Variants in RGS7 observed in about 807,000 individuals in gnomAD.
The protein encoded by RGS7 is regulator of G-protein signaling 7.
RGS7 carries 27 observed loss-of-function variants against 81.1 expected under a neutral mutation model. The ratio of observed to expected loss-of-function variants is 0.33; its 90% CI spans 0.25 to 0.46. RGS7 has a LOEUF of 0.46. RGS7 is among the 20% of genes least tolerant of loss of function. The probability of loss-of-function intolerance (pLI) is 1.00; values close to 1 mark genes in which losing one functional copy is unlikely to be tolerated. For synonymous variants in RGS7, 208 were observed against 207.7 expected (o/e 1.00, Z -0.01); for missense variants, 396 against 607.4 (o/e 0.65, Z 3.66).
At chr1:240,870,266 TA>T in intron 6 of RGS7, 147 bp from the exon 7 acceptor site, 2 of 716,668 alleles carry the variant, frequency 2.8e-6, no homozygotes, top group Non-Finnish European at 5.0e-6. Flanking sequence ...AATTATGTAA[TA>T]ACATTATTAC....
At chr1:241,236,213 G>A (rs4290050) in intron 2 of RGS7, among the ~76,000 whole-genome samples, 86,270 of 148,930 alleles carry the variant, frequency 0.58, 25,264 homozygotes, top group Middle Eastern at 0.6. Flanking sequence ...CATGAATACC[G>A]TAAAGGAAGA....
intron 10 of RGS7, among the ~76,000 whole-genome samples, chr1:240,826,040 T>C (rs1692749506): frequency 1.3e-5 from 2 of 152,152 alleles, no homozygotes; most frequent in East Asian, 3.9e-4. Context: ...TCTGCAAAAA[T>C]AGTTCTTGGT....
chr1:241,156,148 A>AGAT (rs990243657), intron 2 of RGS7, among the ~76,000 whole-genome samples: 1 of 150,904 alleles, frequency 6.6e-6, no homozygotes, highest in African/African-American at 2.5e-5. Flanking sequence ...ATAGATAGAT[A>AGAT]GATAGATAGA....
At chr1:241,293,834 G>A (rs867332114) in intron 2 of RGS7, among the ~76,000 whole-genome samples, 4 of 152,186 alleles carry the variant, frequency 2.6e-5, no homozygotes, top group South Asian at 4.1e-4. Flanking sequence ...CACGTTTACA[G>A]TGTTGGTGGG....
Position 240,793,611 on chromosome 1 carries a change from A to ATATATATATATTTTTTTTT in RGS7, c.*6+7029_*6+7030insAAAAAAAAATATATATATA. Among the ~76,000 whole-genome samples the ATATATATATATTTTTTTTT allele has an allele frequency of 5.1e-5, 4 of 78,872 alleles. 1 individual carries two copies. The highest frequency in any genetic ancestry group is 3.9e-4 in the African/African-American group (4 of 10,312). 51.7% of individuals were successfully genotyped at this position (78,872 alleles called of 152,430 possible). ...AATATATATATATATATATATATAT[A>ATATATATATATTTTTTTTT]TTTTTTTTTTTTTTTTGAGACAGAG... On this transcript the variant is annotated intron_variant, in intron 18 of 18. Coordinates refer to ENST00000440928, the MANE Select transcript of RGS7 (RefSeq NM_001364886.1).
intron 2 of RGS7, among the ~76,000 whole-genome samples, chr1:241,114,465 T>C (rs1057270812): frequency 2.0e-5 from 3 of 152,140 alleles, no homozygotes; most frequent in Non-Finnish European, 4.4e-5. Context: ...TTCTTTGTTT[T>C]CATTTTGGTG....
chr1:240,810,818 A>G (rs1192105570), intron 14 of RGS7, among the ~76,000 whole-genome samples: 1 of 152,216 alleles, frequency 6.6e-6, no homozygotes, highest in Non-Finnish European at 1.5e-5. Context: ...AGTAGTCTCA[A>G]TACAGAACTT....
chr1:241,115,591 G>A (rs190449506), intron 2 of RGS7, among the ~76,000 whole-genome samples: 122 of 152,294 alleles, frequency 8.0e-4, no homozygotes, highest in African/African-American at 2.8e-3. Flanking sequence ...AACGTGGGGC[G>A]AATGGTTTGA....
At chr1:241,110,319 G>C (rs1050336526) in intron 2 of RGS7, among the ~76,000 whole-genome samples, 1 of 152,112 alleles carries the variant, frequency 6.6e-6, no homozygotes, top group Non-Finnish European at 1.5e-5. Context: ...CAGATGAAAG[G>C]CTTCTCTTGG....
intron 2 of RGS7, among the ~76,000 whole-genome samples, chr1:241,215,721 C>T (rs1340307663): frequency 6.6e-6 from 1 of 152,176 alleles, no homozygotes. Context: ...TGTATCTTAA[C>T]CAATGTCATT....
chr1:240,862,216 A>G (rs1349339864), intron 9 of RGS7, among the ~76,000 whole-genome samples: 1 of 152,190 alleles, frequency 6.6e-6, no homozygotes, highest in Admixed American at 6.5e-5. Flanking sequence ...GATATTAAGT[A>G]CTAGAATGAT....
intron 3 of RGS7, among the ~76,000 whole-genome samples, chr1:241,031,049 T>A (rs532888150): frequency 1.3e-5 from 2 of 152,338 alleles, no homozygotes; most frequent in East Asian, 3.9e-4. Flanking sequence ...AAGCCCCGGC[T>A]TTTAGTAGAA....
At chr1:240,954,640 C>T (rs955297454) in intron 4 of RGS7, among the ~76,000 whole-genome samples, 10 of 151,996 alleles carry the variant, frequency 6.6e-5, no homozygotes, top group African/African-American at 2.4e-4. Flanking sequence ...CTACAGCTAA[C>T]ATCATTACTA....
intron 5 of RGS7, among the ~76,000 whole-genome samples, chr1:240,933,172 G>C (rs544516572): frequency 6.6e-6 from 1 of 151,662 alleles, no homozygotes; most frequent in Admixed American, 6.6e-5. Flanking sequence ...GTGAGCCACC[G>C]CGCCCGGCCG....
At chr1:241,011,771 T>C (rs1422733035) in intron 3 of RGS7, among the ~76,000 whole-genome samples, 1 of 152,122 alleles carries the variant, frequency 6.6e-6, no homozygotes, top group Non-Finnish European at 1.5e-5. Flanking sequence ...GGTAATAATA[T>C]CGATTCTTAC....
intron 3 of RGS7, among the ~76,000 whole-genome samples, chr1:241,090,629 TTTA>T (rs1322977012): frequency 6.6e-6 from 1 of 152,206 alleles, no homozygotes; most frequent in Non-Finnish European, 1.5e-5. Flanking sequence ...AATAGTCTAG[TTTA>T]TTATTATCTT....
At chr1:241,329,207 C>A (rs2081811455) in intron 2 of RGS7, among the ~76,000 whole-genome samples, 1 of 152,144 alleles carries the variant, frequency 6.6e-6, no homozygotes, top group Non-Finnish European at 1.5e-5. Context: ...GTATCCACAC[C>A]AAAACCTTCC....
intron 9 of RGS7, among the ~76,000 whole-genome samples, chr1:240,858,750 G>A (rs531621338): frequency 4.4e-4 from 67 of 152,142 alleles, no homozygotes; most frequent in African/African-American, 1.5e-3. Flanking sequence ...ATGGATATAT[G>A]ATTTTTTTCT....
At chr1:240,887,295 C>A (rs1667525798) in intron 6 of RGS7, among the ~76,000 whole-genome samples, 1 of 139,090 alleles carries the variant, frequency 7.2e-6, no homozygotes, top group Admixed American at 7.5e-5. Flanking sequence ...GTGGCGCGAT[C>A]TTGGCTCACT....
Sources: gnomAD v4.1 joint callset for allele counts (sites outside exome capture counted in the v4.1 genomes callset) on GRCh38, gnomAD v4.1.1 for gene constraint, MANE v1.5 for transcripts, NCBI Gene and HGNC (gene_info 2026-07-23, HGNC 2026-07-21) for gene names.